The following STK32B variants were observed in gnomAD, a reference collection of about 807,000 sequenced individuals.
STK32B encodes the protein serine/threonine-protein kinase 32B.
Under a neutral mutation model 52.6 loss-of-function variants are expected in STK32B, and 43 were observed. The ratio of observed to expected loss-of-function variants is 0.82; its 90% CI spans 0.64 to 1.05. The LOEUF is 1.05. Ranked by LOEUF, STK32B falls within the 50% of genes least tolerant of loss-of-function variation. The probability of loss-of-function intolerance (pLI) is 0.00; values close to 1 mark genes in which losing one functional copy is unlikely to be tolerated. For missense variants in STK32B, 621 were observed against 534.6 expected (o/e 1.16, Z -1.59); for synonymous variants, 238 against 204.3 (o/e 1.17, Z -1.41).
intron 6 of STK32B, among the ~76,000 whole-genome samples, chr4:5,439,868 C>T (rs918618105): frequency 2.0e-5 from 3 of 152,110 alleles, no homozygotes; most frequent in Admixed American, 1.3e-4. Flanking sequence ...GGAATCCTTT[C>T]CCCATTGCTT....
intron 3 of STK32B, among the ~76,000 whole-genome samples, chr4:5,173,353 A>C (rs1719553797): frequency 6.6e-6 from 1 of 151,810 alleles, no homozygotes; most frequent in Non-Finnish European, 1.5e-5. Context: ...TAGCTTTTGA[A>C]TGTGTTTGAT....
At chr4:5,496,115 A>T (rs1056504859) in intron 11 of STK32B, among the ~76,000 whole-genome samples, 6 of 152,220 alleles carry the variant, frequency 3.9e-5, no homozygotes, top group African/African-American at 1.4e-4. Context: ...AAGCTGTCAG[A>T]CAGGGACATT....
chr4:5,249,891 G>A (rs915226700), intron 3 of STK32B, among the ~76,000 whole-genome samples: 6 of 152,136 alleles, frequency 3.9e-5, no homozygotes, highest in Admixed American at 2.6e-4. Context: ...TCGATAGATG[G>A]TTTTTGATCC....
chr4:5,483,516 T>G (rs1718895324), intron 11 of STK32B, among the ~76,000 whole-genome samples: 1 of 152,228 alleles, frequency 6.6e-6, no homozygotes, highest in Non-Finnish European at 1.5e-5. Flanking sequence ...CTATCAATTT[T>G]GTTGACCTTT....
intron 4 of STK32B, among the ~76,000 whole-genome samples, chr4:5,351,076 A>C (rs73211155): frequency 0.022 from 3,340 of 151,584 alleles, 58 homozygotes; most frequent in Non-Finnish European, 0.033. Context: ...GAAAATTAAC[A>C]ACAACAACAA....
At chr4:5,329,278 C>A in intron 3 of STK32B, among the ~76,000 whole-genome samples, 1 of 152,132 alleles carries the variant, frequency 6.6e-6, no homozygotes, top group East Asian at 1.9e-4. Flanking sequence ...TCTCTCATTC[C>A]ATGAGGAGCA....
intron 1 of STK32B, among the ~76,000 whole-genome samples, chr4:5,057,182 C>G (rs116365484): frequency 0.011 from 1,687 of 152,324 alleles, 30 homozygotes; most frequent in African/African-American, 0.039. Flanking sequence ...CCTTTGGGTT[C>G]TGGAGCTATT....
At chr4:5,339,897 C>T (rs539557568) in intron 4 of STK32B, among the ~76,000 whole-genome samples, 21 of 152,308 alleles carry the variant, frequency 1.4e-4, no homozygotes, top group African/African-American at 4.6e-4. Flanking sequence ...TCTGGGGGAA[C>T]TGGCCTTGAA....
chr4:5,177,320 A>C (rs531641041), intron 3 of STK32B, among the ~76,000 whole-genome samples: 2 of 152,148 alleles, frequency 1.3e-5, no homozygotes, highest in Admixed American at 1.3e-4. Flanking sequence ...TAAAACTATC[A>C]GATCTTATGA....
intron 3 of STK32B, among the ~76,000 whole-genome samples, chr4:5,286,740 A>T (rs1728566238): frequency 6.6e-6 from 1 of 151,832 alleles, no homozygotes; most frequent in African/African-American, 2.4e-5. Context: ...TGACCTTTAC[A>T]AATAATTTTG....
chr4:5,189,104 T>G (rs971678057), intron 3 of STK32B, among the ~76,000 whole-genome samples: 19 of 152,082 alleles, frequency 1.2e-4, no homozygotes, highest in Non-Finnish European at 2.5e-4. Flanking sequence ...CATGCAGCAC[T>G]TCCCCCACCA....
chr4:5,326,587 C>T lies in STK32B; in HGVS notation c.261-4633C>T, dbSNP rs1376164957. Among the ~76,000 whole-genome samples, 5 of 152,142 alleles carry T rather than the reference C, an allele frequency of 3.3e-5. No homozygotes were observed. The East Asian group carries it at 9.6e-4, about 29-fold the overall frequency. ...AGTGCCTTTAAAAGTTATGTTTATA[C>T]TACACTGTATTCAGTGTGCAACAGC... On this transcript the variant is annotated intron_variant, in intron 3 of 11. Transcript: ENST00000282908.
intron 3 of STK32B, among the ~76,000 whole-genome samples, chr4:5,282,480 A>G (rs546767744): frequency 6.6e-6 from 1 of 152,310 alleles, no homozygotes; most frequent in South Asian, 2.1e-4. Context: ...CAATTATACA[A>G]TCTACTGTAA....
At chr4:5,337,142 C>G (rs912163658) in intron 4 of STK32B, among the ~76,000 whole-genome samples, 4 of 48,810 alleles carry the variant, frequency 8.2e-5, no homozygotes, top group Non-Finnish European at 2.4e-4. Flanking sequence ...CCATCCCTGG[C>G]CAATTTTTTT....
At chr4:5,263,169 C>T (rs1726838640) in intron 3 of STK32B, among the ~76,000 whole-genome samples, 1 of 152,178 alleles carries the variant, frequency 6.6e-6, no homozygotes, top group Non-Finnish European at 1.5e-5. Context: ...AATTGGTGCT[C>T]TCTAAGGCAG....
intron 3 of STK32B, among the ~76,000 whole-genome samples, chr4:5,297,812 G>C (rs1021549158): frequency 6.6e-6 from 1 of 151,166 alleles, no homozygotes; most frequent in Non-Finnish European, 1.5e-5. Flanking sequence ...TCCATCCAGT[G>C]TTGCTCCCTG....
At chr4:5,495,018 T>G (rs1003268594) in intron 11 of STK32B, among the ~76,000 whole-genome samples, 16 of 152,166 alleles carry the variant, frequency 1.1e-4, no homozygotes, top group African/African-American at 3.6e-4. Flanking sequence ...ATTTTTTCCT[T>G]CATTTCAACT....
In STK32B at chr4:5,307,864, C is replaced by T. The variant is rs117612855; in HGVS notation, c.261-23356C>T. ...CCCCTTTCCCCTAGGGATGGGGCTTCCTGAGAGCCGAACTGCAGTGATTGT... is the reference window on the plus strand; with the variant it reads ...CCCCTTTCCCCTAGGGATGGGGCTTTCTGAGAGCCGAACTGCAGTGATTGT... On this transcript the variant is annotated intron_variant, in intron 3 of 11. Coordinates refer to ENST00000282908, the MANE Select transcript of STK32B (RefSeq NM_018401.3). Among the ~76,000 whole-genome samples the T allele has an allele frequency of 2.2e-3, 342 of 152,152 alleles. 2 individuals carry two copies. The highest frequency in any genetic ancestry group is 0.022 in the East Asian group (112 of 5,162).
chr4:5,196,505 G>A (rs1200628268), intron 3 of STK32B, among the ~76,000 whole-genome samples: 5 of 151,614 alleles, frequency 3.3e-5, no homozygotes, highest in Non-Finnish European at 7.4e-5. Context: ...CGTAGATCAC[G>A]AGGTCAGGAG....
Sources: gnomAD v4.1 joint callset for allele counts (sites outside exome capture counted in the v4.1 genomes callset) on GRCh38, gnomAD v4.1.1 for gene constraint, MANE v1.5 for transcripts, NCBI Gene and HGNC (gene_info 2026-07-23, HGNC 2026-07-21) for gene names.